The following RBFOX1 variants were observed in gnomAD, a reference collection of about 807,000 sequenced individuals.
RBFOX1 encodes the protein RNA binding fox-1 homolog 1.
Under a neutral mutation model 57.7 loss-of-function variants are expected in RBFOX1, and 8 were observed. The observed-to-expected ratio is 0.14, with a 90% CI of 0.08 to 0.25. The LOEUF (loss-of-function observed/expected upper bound fraction) is 0.25. Among genes scored for constraint, RBFOX1 ranks in the 10% least tolerant of loss-of-function variants. The pLI, the probability that RBFOX1 is intolerant of heterozygous loss-of-function variation, is 1.00. For synonymous variants in RBFOX1, 326 were observed against 222.4 expected, an observed-to-expected ratio of 1.47 and a Z score of -4.15; for missense variants, 611 against 548.5, an observed-to-expected ratio of 1.11 and a Z score of -1.14.
chr16:7,558,934 C>A (rs1156590739), intron 5 of RBFOX1, among the ~76,000 whole-genome samples: 1 of 152,166 alleles, frequency 6.6e-6, no homozygotes, highest in Non-Finnish European at 1.5e-5. Context: ...AAATGAACCC[C>A]ACTGTTACTC....
intron 2 of RBFOX1, among the ~76,000 whole-genome samples, chr16:6,610,765 C>A (rs1039336719): frequency 1.5e-4 from 23 of 152,158 alleles, no homozygotes; most frequent in Non-Finnish European, 1.5e-4. Context: ...ATAACATCAC[C>A]AACAAAATGT....
At chr16:7,301,017 A>G (rs1273872362) in intron 4 of RBFOX1, among the ~76,000 whole-genome samples, 2 of 148,994 alleles carry the variant, frequency 1.3e-5, no homozygotes, top group East Asian at 4.1e-4. Flanking sequence ...TCTCCCATTT[A>G]TTGATGTTGG....
chr16:7,562,280 G>A (rs1415431051), intron 5 of RBFOX1, among the ~76,000 whole-genome samples: 1 of 152,166 alleles, frequency 6.6e-6, no homozygotes, highest in African/African-American at 2.4e-5. Context: ...AAAACAGCAG[G>A]ATGGGAAAGA....
At chr16:6,637,595 A>AG (rs6145738) in intron 2 of RBFOX1, among the ~76,000 whole-genome samples, 3 of 139,474 alleles carry the variant, frequency 2.2e-5, no homozygotes, top group African/African-American at 5.3e-5. Flanking sequence ...TAGTCTATAT[A>AG]TATATTAGAA....
At chr16:6,561,704 G>A (rs951289607) in intron 2 of RBFOX1, among the ~76,000 whole-genome samples, 1 of 152,050 alleles carries the variant, frequency 6.6e-6, no homozygotes, top group African/African-American at 2.4e-5. Context: ...CTGGAAGATT[G>A]CTAATGACAC....
intron 4 of RBFOX1, among the ~76,000 whole-genome samples, chr16:7,144,061 A>T (rs2074396219): frequency 6.6e-6 from 1 of 152,118 alleles, no homozygotes; most frequent in Admixed American, 6.5e-5. Flanking sequence ...TTTCGGGTTG[A>T]TGTGTCTGTA....
Position 6,042,226 on chromosome 16 carries a change from G to A in RBFOX1, c.-127+22234G>A, listed in dbSNP as rs539757386. Among the ~76,000 whole-genome samples, 28 of 150,364 alleles carry A rather than the reference G, an allele frequency of 1.9e-4. No homozygotes were observed. The South Asian group carries it at 4.2e-3, about 23-fold the overall frequency. On this transcript the variant is annotated intron_variant, in intron 1 of 15. Coordinates refer to ENST00000550418, the MANE Select transcript of RBFOX1 (RefSeq NM_018723.4). ...AGTGGTTCTCCTGCCTCAGCCTCCC[G>A]AGTAGCTGGGACTACAGGCACACAC...
At chr16:6,374,169 G>T (rs1038916647) in intron 2 of RBFOX1, among the ~76,000 whole-genome samples, 14 of 152,326 alleles carry the variant, frequency 9.2e-5, no homozygotes, top group Middle Eastern at 3.4e-3. Context: ...TGGATATTCA[G>T]TTGCCCCAAA....
chr16:7,630,679 T>A lies in RBFOX1; in HGVS notation c.753T>A (p.Ser251=). 1 of 1,614,222 alleles carries A rather than the reference T, an allele frequency of 6.2e-7. No homozygotes were observed. The highest frequency in any genetic ancestry group is 8.5e-7 in the Non-Finnish European group (1 of 1,180,048). Reference sequence around the variant, plus strand: ...CCCCCAGTTCACTTGTATATACTTCTGCAAGTAAGCCCACTGTCGTGGCTC... The same window carrying A: ...CCCCCAGTTCACTTGTATATACTTCAGCAAGTAAGCCCACTGTCGTGGCTC... ...YSAPSSLVYT[S]AMPGFPYPAA... The change falls in exon 11 of 16, where the codon TCT becomes TCA. Residue 251 remains serine (S), a synonymous_variant. Coordinates refer to ENST00000550418, the MANE Select transcript of RBFOX1 (RefSeq NM_018723.4).
Position 6,459,205 on chromosome 16 carries a change from G to A in RBFOX1, c.-64+142148G>A, listed in dbSNP as rs1481305565. On this transcript the variant is annotated intron_variant, in intron 2 of 15. Transcript: ENST00000550418. ...AAAAAAATTAGCCGGCCATGGTGGCGGGTGCCTGTAGTCCCAGCTACTTGG... is the reference window on the plus strand; with the variant it reads ...AAAAAAATTAGCCGGCCATGGTGGCAGGTGCCTGTAGTCCCAGCTACTTGG... Among the ~76,000 whole-genome samples the A allele has an allele frequency of 2.0e-5, 3 of 152,234 alleles. No homozygotes were observed. The South Asian group carries it at 6.2e-4, about 32-fold the overall frequency.
intron 3 of RBFOX1, among the ~76,000 whole-genome samples, chr16:5,739,467 G>A (rs1567472861): frequency 6.6e-6 from 1 of 152,228 alleles, no homozygotes; most frequent in East Asian, 1.9e-4. Flanking sequence ...AGTATTGGAA[G>A]GTGGTAATGT....
intron 4 of RBFOX1, among the ~76,000 whole-genome samples, chr16:7,400,568 T>A (rs1169167075): frequency 6.6e-6 from 1 of 152,218 alleles, no homozygotes; most frequent in Non-Finnish European, 1.5e-5. Flanking sequence ...ACACAGTTTG[T>A]ATTACCATCT....
chr16:6,519,616 G>A (rs1388084583), intron 2 of RBFOX1, among the ~76,000 whole-genome samples: 1 of 152,174 alleles, frequency 6.6e-6, no homozygotes, highest in African/African-American at 2.4e-5. Context: ...CCAGAGAATT[G>A]CTTGAACCCG....
At chr16:5,553,913 G>A (rs983342343) in intron 2 of RBFOX1, among the ~76,000 whole-genome samples, 1 of 151,534 alleles carries the variant, frequency 6.6e-6, no homozygotes, top group Non-Finnish European at 1.5e-5. Flanking sequence ...ATGTCTGGAC[G>A]ATTGGCAAAC....
At chr16:7,158,653 A>T (rs111503897) in intron 4 of RBFOX1, among the ~76,000 whole-genome samples, 2 of 150,686 alleles carry the variant, frequency 1.3e-5, no homozygotes, top group Middle Eastern at 3.4e-3. Context: ...TGGTGTGTCT[A>T]TGGTGCGTGC....
intron 4 of RBFOX1, among the ~76,000 whole-genome samples, chr16:7,130,757 T>C (rs373261296): frequency 6.6e-6 from 1 of 152,188 alleles, no homozygotes; most frequent in South Asian, 2.1e-4. Context: ...GCCTTTAATA[T>C]CGTGCTTAAA....
chr16:7,691,822 A>G (rs1028027532), intron 14 of RBFOX1, among the ~76,000 whole-genome samples: 2 of 152,112 alleles, frequency 1.3e-5, no homozygotes, highest in Admixed American at 1.3e-4. Flanking sequence ...CCCTCCTGCC[A>G]TAGATATGTG....
chr16:7,206,999 C>G (rs541423649), intron 4 of RBFOX1, among the ~76,000 whole-genome samples: 74 of 152,300 alleles, frequency 4.9e-4, no homozygotes, highest in African/African-American at 1.7e-3. Context: ...AATTTAGCCC[C>G]TTGCAGCTCA....
intron 4 of RBFOX1, among the ~76,000 whole-genome samples, chr16:7,301,330 A>G (rs1439802305): frequency 6.6e-6 from 1 of 152,120 alleles, no homozygotes; most frequent in Non-Finnish European, 1.5e-5. Flanking sequence ...ACTGGTGGAG[A>G]GATGTTCAGG....
Sources: allele counts gnomAD v4.1 joint callset (sites outside exome capture counted in the v4.1 genomes callset), GRCh38; gene constraint gnomAD v4.1.1; transcripts MANE v1.5; gene names NCBI Gene and HGNC (gene_info 2026-07-23, HGNC 2026-07-21).